GFRA2: variants seen among roughly 807,000 people sequenced by gnomAD.
GFRA2 encodes GDNF family receptor alpha-2.
GFRA2 carries 17 observed loss-of-function variants against 48.3 expected under a neutral mutation model. The observed-to-expected ratio is 0.35, with a 90% confidence interval of 0.24 to 0.53. The LOEUF (loss-of-function observed/expected upper bound fraction) is 0.53, where lower values mean the gene tolerates loss of function less well. Among genes scored for constraint, GFRA2 ranks in the 20% least tolerant of loss-of-function variants. GFRA2 has a pLI of 0.93. For missense variants in GFRA2, 660 were observed against 637.3 expected (o/e 1.04, Z -0.38); for synonymous variants, 305 against 257.2 (o/e 1.19, Z -1.78).
intron 8 of GFRA2, 108 bp from the exon 9 acceptor site, chr8:21,693,508 C>CAA (rs1801975770): frequency 9.8e-7 from 1 of 1,021,598 alleles, no homozygotes; most frequent in Non-Finnish European, 1.4e-6. Flanking sequence ...CTGGACACCT[C>CAA]AAGCCCCTGT....
chr8:21,792,738 G>A (rs2117103333), upstream of GFRA2, among the ~76,000 whole-genome samples: 1 of 152,304 alleles, frequency 6.6e-6, no homozygotes, highest in Non-Finnish European at 1.5e-5. Flanking sequence ...CTCCAGGTGA[G>A]CAAACAGCAG....
chr8:21,720,496 C>T (rs1397757504), intron 4 of GFRA2, among the ~76,000 whole-genome samples: 4 of 152,194 alleles, frequency 2.6e-5, no homozygotes, highest in Non-Finnish European at 5.9e-5. Flanking sequence ...TAGTCTAAGT[C>T]CCTGAAGGAG....
Position 21,691,196 on chromosome 8 carries a change from C to G in GFRA2, c.*2082G>C, listed in dbSNP as rs1801872713. ...AAGGCCAGGCTGACAGTAGAAACAT[C>G]TTCTCGCCTACCAGTCTTCCATTCT... is the stretch of plus-strand genomic sequence containing the variant. On this transcript the variant is annotated 3_prime_UTR_variant, in exon 9 of 9. Transcript: ENST00000524240. 1 of 152,254 alleles carries G rather than the reference C, an allele frequency of 6.6e-6. No homozygotes were observed. The highest frequency in any genetic ancestry group is 2.4e-5 in the African/African-American group (1 of 41,468). The allele number at this position is 152,254 out of a possible 1,614,324, so 9.4% of individuals were successfully genotyped here.
At chr8:21,785,544 G>C (rs1200052354) in intron 1 of GFRA2, among the ~76,000 whole-genome samples, 1 of 152,156 alleles carries the variant, frequency 6.6e-6, no homozygotes, top group Non-Finnish European at 1.5e-5. Flanking sequence ...CAAGACACAG[G>C]GAGTAGCTGC....
chr8:21,806,048 T>C (rs1258630973), intron 1 of GFRA2, among the ~76,000 whole-genome samples: 1 of 152,202 alleles, frequency 6.6e-6, no homozygotes, highest in Non-Finnish European at 1.5e-5. Flanking sequence ...GCTGGTCCTA[T>C]AACTGCCCTG....
chr8:21,729,865 A>T (rs1314273805), intron 4 of GFRA2, among the ~76,000 whole-genome samples: 1 of 152,140 alleles, frequency 6.6e-6, no homozygotes, highest in Non-Finnish European at 1.5e-5. Context: ...ACCTGCCTGG[A>T]GCTCCTGTTT....
rs1801878288 is a variant in GFRA2, at chr8:21,691,353, C to T, written c.*1925G>A. 6.6e-6 allele frequency: 1 copy of T among 152,290 alleles called. No homozygotes were observed. The highest frequency in any genetic ancestry group is 1.9e-4 in the East Asian group (1 of 5,200). 9.4% of individuals were successfully genotyped at this position (152,290 alleles called of 1,614,324 possible). ...TTGGCCAGCAGGCATTCTCCTGGTC[C>T]TCTCTGGGGAGAATCTCTCTTGGAG... On this transcript the variant is annotated 3_prime_UTR_variant, in exon 9 of 9. Coordinates refer to ENST00000524240, the MANE Select transcript of GFRA2 (RefSeq NM_001495.5).
intron 4 of GFRA2, among the ~76,000 whole-genome samples, chr8:21,749,252 A>C (rs985831157): frequency 6.6e-6 from 1 of 152,116 alleles, no homozygotes. Context: ...AAAAAAAAAA[A>C]AACTACCTTC....
intron 4 of GFRA2, among the ~76,000 whole-genome samples, chr8:21,709,201 C>T (rs78180889): frequency 0.011 from 1,750 of 152,302 alleles, 21 homozygotes; most frequent in African/African-American, 0.039. Flanking sequence ...AACGCCAGGC[C>T]GTCATGCATC....
chr8:21,718,358 C>T (rs1585249890), intron 4 of GFRA2, among the ~76,000 whole-genome samples: 2 of 152,326 alleles, frequency 1.3e-5, no homozygotes, highest in East Asian at 3.9e-4. Flanking sequence ...CCATATGGAA[C>T]CGTAAGTCCG....
intron 7 of GFRA2, among the ~76,000 whole-genome samples, chr8:21,698,323 C>T (rs779223950): frequency 2.2e-4 from 34 of 152,160 alleles, no homozygotes; most frequent in Non-Finnish European, 3.4e-4. Flanking sequence ...GGGGGAAGGA[C>T]GCAGAAAGAA....
rs1006450343 is a variant in GFRA2 at position 21,788,187 on chromosome 8, C to T, written c.-28G>A. On this transcript the variant is annotated 5_prime_UTR_variant, in exon 1 of 9. Transcript: ENST00000524240. ...TAAATAAATCCCACCGTTTTTTTGT[C>T]TTTCTCCCTTGGGTAAAAAAAAATA... 6.9e-6 allele frequency: 11 copies of T among 1,598,492 alleles called. No individual in the cohort carries two copies. The highest frequency in any genetic ancestry group is 6.8e-5 in the African/African-American group (5 of 73,622).
intron 3 of GFRA2, among the ~76,000 whole-genome samples, chr8:21,773,423 C>G (rs1483726987): frequency 1.3e-5 from 2 of 152,244 alleles, no homozygotes; most frequent in Non-Finnish European, 2.9e-5. Flanking sequence ...CAGTGCCTCC[C>G]TTCCTGGGCA....
intron 1 of GFRA2, among the ~76,000 whole-genome samples, chr8:21,811,134 C>A (rs914165786): frequency 6.6e-6 from 1 of 152,196 alleles, no homozygotes; most frequent in Admixed American, 6.5e-5. Context: ...AGGACACAGC[C>A]GGCATGGGCA....
chr8:21,770,590 C>T (rs937253989), intron 3 of GFRA2, among the ~76,000 whole-genome samples: 1 of 152,202 alleles, frequency 6.6e-6, no homozygotes, highest in Non-Finnish European at 1.5e-5. Context: ...AGAAAGGATG[C>T]CCCATGCCCA....
At chr8:21,806,828 A>C (rs1231218712) in intron 1 of GFRA2, among the ~76,000 whole-genome samples, 1 of 152,198 alleles carries the variant, frequency 6.6e-6, no homozygotes, top group Non-Finnish European at 1.5e-5. Context: ...AAATAACTCC[A>C]CTGTAAATAG....
chr8:21,776,250 C>T (rs1585329648), intron 2 of GFRA2, among the ~76,000 whole-genome samples: 1 of 152,100 alleles, frequency 6.6e-6, no homozygotes, highest in African/African-American at 2.4e-5. Flanking sequence ...CAACTAGCCC[C>T]CTGCAGGCTC....
chr8:21,741,180 T>A (rs970683897), intron 4 of GFRA2, among the ~76,000 whole-genome samples: 4 of 152,230 alleles, frequency 2.6e-5, no homozygotes, highest in African/African-American at 4.8e-5. Context: ...CTGTGGCCTG[T>A]GAGGCCCCGA....
chr8:21,740,077 C>A (rs1209519520), intron 4 of GFRA2, among the ~76,000 whole-genome samples: 1 of 152,146 alleles, frequency 6.6e-6, no homozygotes, highest in Admixed American at 6.5e-5. Flanking sequence ...GTATCAAAGA[C>A]CAACAGTGGT....
Sources: gnomAD v4.1 joint callset for allele counts (sites outside exome capture counted in the v4.1 genomes callset) on GRCh38, gnomAD v4.1.1 for gene constraint, MANE v1.5 for transcripts, NCBI Gene and HGNC (gene_info 2026-07-23, HGNC 2026-07-21) for gene names.